Variants in ZNF883 observed in about 807,000 individuals in gnomAD.
The protein encoded by ZNF883 is zinc finger protein 883.
At chr9:113,008,723 C>T (rs961702610) in intron 2 of ZNF883, among the ~76,000 whole-genome samples, 5 of 151,890 alleles carry the variant, frequency 3.3e-5, no homozygotes, top group East Asian at 1.9e-4. Flanking sequence ...GGCACTGTCC[C>T]GGGTAAGTGA....
chr9:113,002,280 G>A (rs1162175915), upstream of ZNF883, among the ~76,000 whole-genome samples: 1 of 152,142 alleles, frequency 6.6e-6, no homozygotes, highest in Admixed American at 6.5e-5. Context: ...CAATACGGAA[G>A]TTTCCCTATA....
downstream of ZNF883, among the ~76,000 whole-genome samples, chr9:112,995,440 C>T (rs1439943928): frequency 1.3e-5 from 2 of 151,674 alleles, no homozygotes; most frequent in African/African-American, 2.4e-5. Context: ...TCCTTCCTTC[C>T]TTTCTCTCTT....
At chr9:112,994,491 G>A (rs904451314), downstream of ZNF883, among the ~76,000 whole-genome samples, 1 of 151,780 alleles carries the variant, frequency 6.6e-6, no homozygotes, top group Non-Finnish European at 1.5e-5. Context: ...TAATAGAGAT[G>A]TCATTTTAAA....
exon 1 of ZNF883, chr9:112,998,221 A>G (rs2118610609): frequency 6.2e-7 from 1 of 1,611,802 alleles, no homozygotes; most frequent in East Asian, 2.2e-5. Context: ...CAGTACAGAG[A>G]TATGGGTTCG....
intron 2 of ZNF883, among the ~76,000 whole-genome samples, chr9:113,010,940 C>T (rs1052614657): frequency 2.7e-5 from 4 of 146,038 alleles, no homozygotes; most frequent in Non-Finnish European, 5.9e-5. Context: ...GAGCCAAGAT[C>T]GTGCACTGCA....
chr9:113,001,349 T>C (rs1828422299), upstream of ZNF883, among the ~76,000 whole-genome samples: 1 of 152,058 alleles, frequency 6.6e-6, no homozygotes, highest in Admixed American at 6.6e-5. Context: ...AAAACAGTCA[T>C]TAAATCAGGC....
chr9:112,999,737 C>A (rs1237739951), upstream of ZNF883: 1 of 152,272 alleles, frequency 6.6e-6, no homozygotes, highest in African/African-American at 2.4e-5. Flanking sequence ...GCAAGGTGGG[C>A]AGAAGGGAAA....
chr9:113,001,474 A>G (rs367945178), upstream of ZNF883, among the ~76,000 whole-genome samples: 7 of 152,258 alleles, frequency 4.6e-5, no homozygotes, highest in African/African-American at 1.7e-4. Flanking sequence ...ATAAAGGTAT[A>G]TAGAAATGAA....
At position 112,997,700 on chromosome 9, in the gene ZNF883, C is replaced by T. The variant is rs140752754; in HGVS notation, n.560G>A. Reference sequence around the variant, plus strand: ...TGATGTACTGTGGCAAAAAACTTTCCGACATTGCTTACACTGGTAGGATTT... The same window carrying T: ...TGATGTACTGTGGCAAAAAACTTTCTGACATTGCTTACACTGGTAGGATTT... On this transcript the variant is annotated non_coding_transcript_exon_variant, in exon 1 of 1. Transcript: ENST00000639662. 2.7e-4 allele frequency: 434 copies of T among 1,612,806 alleles called. 1 individual carries two copies. Among genetic ancestry groups the T allele is most frequent in the African/African-American group, 1.2e-3 (89 of 74,758 alleles).
intron 2 of ZNF883, among the ~76,000 whole-genome samples, chr9:113,004,082 C>T (rs1342809009): frequency 6.6e-6 from 1 of 152,118 alleles, no homozygotes; most frequent in South Asian, 2.1e-4. Flanking sequence ...AAGACGGTCA[C>T]GGGAAGACCC....
upstream of ZNF883, among the ~76,000 whole-genome samples, chr9:112,999,966 C>T (rs1426547736): frequency 6.6e-6 from 1 of 152,138 alleles, no homozygotes; most frequent in Non-Finnish European, 1.5e-5. Context: ...ACTATTGAGG[C>T]TATCTAGGGG....
downstream of ZNF883, among the ~76,000 whole-genome samples, chr9:112,993,660 G>C (rs559300708): frequency 7.7e-4 from 117 of 152,334 alleles, no homozygotes; most frequent in Non-Finnish European, 1.1e-3. Flanking sequence ...AAAAGACTAA[G>C]TCTGTTGATC....
At chr9:112,997,877 T>C in exon 1 of ZNF883, 1 of 1,613,696 alleles carries the variant, frequency 6.2e-7, no homozygotes. Context: ...CCCACATTCA[T>C]TACAAGGATA....
chr9:112,996,746 G>A (rs1159496954), downstream of ZNF883, among the ~76,000 whole-genome samples: 13 of 125,740 alleles, frequency 1.0e-4, no homozygotes, highest in East Asian at 4.5e-4. Context: ...AGCCGAGATC[G>A]CGCCACTGCA....
In ZNF883 at chr9:113,006,892, A is replaced by AT. The variant is rs749054640; in HGVS notation, n.165+4248dup. Among the ~76,000 whole-genome samples the AT allele has an allele frequency of 8.4e-4, 115 of 137,474 alleles. 1 individual carries two copies. In the South Asian group the frequency reaches 0.012, roughly 14 times the overall value. 90.2% of individuals were successfully genotyped at this position (137,474 alleles called of 152,430 possible). ...ATCTTTCTGAGCAAAGACTATGGTA[A>AT]TTTTTTAAAAAAAAAAATCTTGGCT... On this transcript the variant is annotated intron_variant and non_coding_transcript_variant, in intron 2 of 4. Transcript: ENST00000638622.
At chr9:112,989,551 G>C (rs1049511632) in intron 1 of ZNF883, among the ~76,000 whole-genome samples, 2 of 152,178 alleles carry the variant, frequency 1.3e-5, no homozygotes, top group Non-Finnish European at 2.9e-5. Flanking sequence ...GAGTTGGGTA[G>C]TGTGATGCCT....
exon 1 of ZNF883, chr9:112,997,662 G>A (rs1828376423): frequency 4.3e-6 from 7 of 1,612,568 alleles, no homozygotes; most frequent in Non-Finnish European, 5.1e-6. Flanking sequence ...TGGGTTCTCT[G>A]ATGTCGGATT....
chr9:113,006,591 C>T (rs1274168835), intron 2 of ZNF883, among the ~76,000 whole-genome samples: 1 of 152,150 alleles, frequency 6.6e-6, no homozygotes, highest in Non-Finnish European at 1.5e-5. Context: ...ATATCTGTAA[C>T]ATGCTTCTAC....
At chr9:113,002,557 T>C (rs758195918), upstream of ZNF883, among the ~76,000 whole-genome samples, 4 of 152,198 alleles carry the variant, frequency 2.6e-5, no homozygotes, top group African/African-American at 4.8e-5. Flanking sequence ...ATGTGGGAAC[T>C]CTCTGTAATA....
Sources: gnomAD v4.1 joint callset for allele counts (sites outside exome capture counted in the v4.1 genomes callset) on GRCh38, gnomAD v4.1.1 for gene constraint, MANE v1.5 for transcripts, NCBI Gene and HGNC (gene_info 2026-07-23, HGNC 2026-07-21) for gene names.